Variants in CHD6 observed in about 807,000 individuals in gnomAD.
CHD6 encodes chromodomain helicase DNA binding protein 6.
Under a neutral mutation model 276.9 loss-of-function variants are expected in CHD6, and 50 were observed. The observed-to-expected ratio is 0.18, with a 90% CI of 0.14 to 0.23. The LOEUF is 0.23. CHD6 is among the 10% of genes least tolerant of loss of function. CHD6 has a pLI of 1.00. For missense variants in CHD6, 2,564 were observed against 3,365.8 expected (o/e 0.76, Z 5.89); for synonymous variants, 1,173 against 1,229.3 (o/e 0.95, Z 0.96).
chr20:41,408,501 T>C (rs2145375619), intron 36 of CHD6, among the ~76,000 whole-genome samples: 2 of 152,262 alleles, frequency 1.3e-5, no homozygotes, highest in Middle Eastern at 6.8e-3. Context: ...CACCAGTCTG[T>C]CTTGAGCTCA....
intron 1 of CHD6, among the ~76,000 whole-genome samples, chr20:41,574,541 C>T (rs1311077785): frequency 6.6e-6 from 1 of 152,128 alleles, no homozygotes; most frequent in Non-Finnish European, 1.5e-5. Flanking sequence ...TGAACCCTCA[C>T]AAATATTCAT....
At chr20:41,431,775 G>GTTTTTTTTTTTTTTT (rs1274097382) in intron 27 of CHD6, among the ~76,000 whole-genome samples, 9 of 86,108 alleles carry the variant, frequency 1.0e-4, no homozygotes, top group Admixed American at 2.2e-4. Flanking sequence ...GAAAAAACAT[G>GTTTTTTTTTTTTTTT]CTTTTTTTTT....
chr20:41,430,269 T>C (rs2047494746), intron 27 of CHD6, among the ~76,000 whole-genome samples: 1 of 152,238 alleles, frequency 6.6e-6, no homozygotes, highest in Admixed American at 6.5e-5. Context: ...TTTAAGGATA[T>C]GAAGAGCAAA....
chr20:41,416,978 C>G (rs742432), intron 32 of CHD6, among the ~76,000 whole-genome samples, 184 bp from the exon 33 acceptor site: 41,509 of 152,040 alleles, frequency 0.27, 6,844 homozygotes, highest in East Asian at 0.52. Context: ...TTAAAGCCAT[C>G]GTACTATAAA....
At chr20:41,514,454 A>G (rs904259128) in intron 4 of CHD6, among the ~76,000 whole-genome samples, 4 of 152,148 alleles carry the variant, frequency 2.6e-5, no homozygotes, top group African/African-American at 9.7e-5. Context: ...ATATCCCTGT[A>G]CGGGCTGGCC....
At chr20:41,442,148 A>T (rs2047921345) in intron 25 of CHD6, among the ~76,000 whole-genome samples, 1 of 152,162 alleles carries the variant, frequency 6.6e-6, no homozygotes, top group African/African-American at 2.4e-5. Flanking sequence ...GTGGACTAAA[A>T]GATCCACAAT....
At chr20:41,454,571 T>G in intron 20 of CHD6, 55 bp downstream of exon 20, 1 of 1,334,834 alleles carries the variant, frequency 7.5e-7, no homozygotes, top group Non-Finnish European at 1.1e-6. Context: ...AGGAATTTAT[T>G]GTCATGTATG....
At chr20:41,564,518 C>T (rs984328127) in intron 1 of CHD6, among the ~76,000 whole-genome samples, 1 of 151,998 alleles carries the variant, frequency 6.6e-6, no homozygotes, top group Non-Finnish European at 1.5e-5. Flanking sequence ...GGGTTGGGGA[C>T]AGGAGAGGGT....
Position 41,498,149 on chromosome 20 carries a change from A to C in CHD6, c.974+19T>G. ...TTCATATAAAACCCAAATACAGAGAATACTTTAAATAGACGTACAAATTTC... is the reference window on the plus strand; with the variant it reads ...TTCATATAAAACCCAAATACAGAGACTACTTTAAATAGACGTACAAATTTC... On this transcript the variant is annotated intron_variant, in intron 7 of 36. Coordinates refer to ENST00000373233, the MANE Select transcript of CHD6 (RefSeq NM_032221.5). The C allele has an allele frequency of 6.4e-7, 1 of 1,569,570 alleles. No homozygotes were observed. The highest frequency in any genetic ancestry group is 8.7e-7 in the Non-Finnish European group (1 of 1,144,384).
At position 41,404,973 on chromosome 20, in the gene CHD6, G is replaced by A; in HGVS notation, c.7768C>T (p.Pro2590Ser). 1 of 1,614,216 alleles carries A rather than the reference G, an allele frequency of 6.2e-7. No homozygotes were observed. The highest frequency in any genetic ancestry group is 2.2e-5 in the East Asian group (1 of 44,892). Residue 2590 changes from proline to serine, a missense_variant, in exon 37 of 37, where the codon CCA becomes TCA. Transcript: ENST00000373233. ...TCAGACTGATCAGAAAATGGACCTGGACCAGGCTTGTCCTCAGCTAAAGTG... is the reference window on the plus strand; with the variant it reads ...TCAGACTGATCAGAAAATGGACCTGAACCAGGCTTGTCCTCAGCTAAAGTG... ...TDTLAEDKPG[P>S]GPFSDQSEPA...
intron 5 of CHD6, among the ~76,000 whole-genome samples, chr20:41,504,618 C>G (rs1185119392): frequency 1.3e-5 from 2 of 152,000 alleles, no homozygotes; most frequent in Admixed American, 1.3e-4. Flanking sequence ...CCATGTTGCC[C>G]AGGTTGGCCT....
rs1180370778 is a variant in CHD6 at position 41,447,984 on chromosome 20, A to G, written c.3684-13T>C. 6.4e-7 allele frequency: 1 copy of G among 1,554,116 alleles called. No individual in the cohort carries two copies. The highest frequency in any genetic ancestry group is 1.7e-5 in the Admixed American group (1 of 58,006). ...TCGCAAAAGTACTCTATGAAAGGTG[A>G]ACACATTAATGCAAACAAATTAGAA... On this transcript the variant is annotated splice_polypyrimidine_tract_variant and intron_variant, in intron 23 of 36. Coordinates refer to ENST00000373233, the MANE Select transcript of CHD6 (RefSeq NM_032221.5).
At chr20:41,593,212 G>T (rs1392590397) in intron 1 of CHD6, among the ~76,000 whole-genome samples, 1 of 147,698 alleles carries the variant, frequency 6.8e-6, no homozygotes, top group Non-Finnish European at 1.5e-5. Context: ...AGGGGGGGGG[G>T]GGTTAAATAG....
chr20:41,504,139 GTCTC>G (rs1568652693), intron 5 of CHD6, among the ~76,000 whole-genome samples: 3 of 141,482 alleles, frequency 2.1e-5, no homozygotes, highest in Middle Eastern at 7.9e-3. Context: ...CATCGCACTT[GTCTC>G]TCTTTCTTAT....
chr20:41,404,213 T>A lies in CHD6; in HGVS notation c.*380A>T. On this transcript the variant is annotated 3_prime_UTR_variant, in exon 37 of 37. Transcript: ENST00000373233. ...CTCACAGAAAAAGAGCTCCTCTTTG[T>A]CTCTGTTCTTCCACCCTTCAATGGT... is the stretch of plus-strand genomic sequence containing the variant. 1 of 1,071,210 alleles carries A rather than the reference T, an allele frequency of 9.3e-7. No individual in the cohort carries two copies. The highest frequency in any genetic ancestry group is 1.1e-6 in the Non-Finnish European group (1 of 883,998). The allele number at this position is 1,071,210 out of a possible 1,614,324, so 66.4% of individuals were successfully genotyped here. A position where few individuals can be genotyped will look rare whatever the true frequency, so the allele number is the denominator to read the frequency against.
At position 41,403,870 on chromosome 20, in the gene CHD6, G is replaced by A. The variant is rs1281025607; in HGVS notation, c.*723C>T. 2.8e-6 allele frequency: 3 copies of A among 1,057,166 alleles called. No homozygotes were observed. Among genetic ancestry groups the A allele is most frequent in the Non-Finnish European group, 3.4e-6 (3 of 874,100 alleles). 65.5% of individuals were successfully genotyped at this position (1,057,166 alleles called of 1,614,324 possible). ...ACAGCAATAACTCATGGTGGGTAAA[G>A]CTTTCTCGCAGCAAGAGGAATCTTT... On this transcript the variant is annotated 3_prime_UTR_variant, in exon 37 of 37. Transcript: ENST00000373233.
intron 1 of CHD6, among the ~76,000 whole-genome samples, chr20:41,572,967 T>C (rs552934243): frequency 2.0e-5 from 3 of 152,150 alleles, no homozygotes; most frequent in African/African-American, 7.2e-5. Context: ...TGGAGTGCAG[T>C]GGCACGATCT....
At chr20:41,494,145 C>G (rs1175764681) in intron 8 of CHD6, among the ~76,000 whole-genome samples, 1 of 152,218 alleles carries the variant, frequency 6.6e-6, no homozygotes, top group Admixed American at 6.5e-5. Context: ...AAGGATCTAA[C>G]CATCTTAGTG....
At chr20:41,547,565 G>C in intron 2 of CHD6, 1 of 505,278 alleles carries the variant, frequency 2.0e-6, no homozygotes. Context: ...ACATTGCCAA[G>C]GCAACTAGTG....
Sources: allele counts gnomAD v4.1 joint callset (sites outside exome capture counted in the v4.1 genomes callset), GRCh38; gene constraint gnomAD v4.1.1; transcripts MANE v1.5; gene names NCBI Gene and HGNC (gene_info 2026-07-23, HGNC 2026-07-21).